The following SOX5 variants were observed in gnomAD, a reference collection of about 807,000 sequenced individuals.
SOX5 encodes the protein transcription factor SOX-5.
In SOX5, 9 loss-of-function variants were observed where a neutral mutation model predicts 92.0. That is an observed-to-expected ratio of 0.10 (90% CI 0.06 to 0.17). The LOEUF is 0.17. SOX5 is among the 10% of genes least tolerant of loss of function. The pLI, the probability that SOX5 is intolerant of heterozygous loss-of-function variation, is 1.00. For synonymous variants in SOX5, 344 were observed against 336.3 expected, an observed-to-expected ratio of 1.02 and a Z score of -0.25; for missense variants, 642 against 944.5, an observed-to-expected ratio of 0.68 and a Z score of 4.20.
chr12:23,950,807 A>G, upstream of SOX5: 1 of 1,432,064 alleles, frequency 7.0e-7, no homozygotes, highest in South Asian at 1.2e-5. Flanking sequence ...AAAGGTAATC[A>G]GGTAATGTAC....
Position 23,971,839 on chromosome 12 carries a change from T to C in SOX5, c.-1-75815A>G, listed in dbSNP as rs542576388. ...TTTGAAAGCTGCTGAGTGCTAAACATTGTGCATGTACTTTATATCACTAAA... is the reference window on the plus strand; with the variant it reads ...TTTGAAAGCTGCTGAGTGCTAAACACTGTGCATGTACTTTATATCACTAAA... On this transcript the variant is annotated intron_variant, in intron 4 of 4. Transcript: ENST00000446891. Among the ~76,000 whole-genome samples the C allele has an allele frequency of 1.3e-3, 203 of 152,224 alleles. 1 individual carries two copies. Among genetic ancestry groups the C allele is most frequent in the African/African-American group, 4.5e-3 (188 of 41,532 alleles).
At chr12:23,845,546 C>T (rs922258496) in intron 3 of SOX5, among the ~76,000 whole-genome samples, 6 of 151,930 alleles carry the variant, frequency 3.9e-5, no homozygotes, top group Non-Finnish European at 8.8e-5. Context: ...TATAATAGTC[C>T]TAACCATATT....
chr12:24,328,831 G>C (rs545057495), intron 2 of SOX5, among the ~76,000 whole-genome samples: 2 of 152,128 alleles, frequency 1.3e-5, no homozygotes, highest in African/African-American at 2.4e-5. Context: ...TGTCTTTAAA[G>C]TTCCCTTCAT....
intron 2 of SOX5, among the ~76,000 whole-genome samples, chr12:24,332,251 A>G (rs527809038): frequency 6.6e-6 from 1 of 152,344 alleles, no homozygotes; most frequent in East Asian, 1.9e-4. Context: ...TCAAAGGAAC[A>G]TGAATTAGCC....
intron 4 of SOX5, among the ~76,000 whole-genome samples, chr12:24,006,085 A>G (rs2136436838): frequency 6.6e-6 from 1 of 152,288 alleles, no homozygotes. Flanking sequence ...AGGCTTTTGT[A>G]ATAATCTACA....
intron 9 of SOX5, among the ~76,000 whole-genome samples, chr12:23,597,537 C>T (rs1445648244): frequency 6.6e-6 from 1 of 152,136 alleles, no homozygotes; most frequent in African/African-American, 2.4e-5. Context: ...TAACTTATTT[C>T]CATGTAGCAA....
chr12:24,466,301 A>T (rs1944231231), intron 1 of SOX5, among the ~76,000 whole-genome samples: 1 of 151,464 alleles, frequency 6.6e-6, no homozygotes, highest in South Asian at 2.1e-4. Flanking sequence ...GCTGGAGTGC[A>T]GTGGCACAGT....
chr12:24,018,032 C>G (rs1296612873), intron 4 of SOX5, among the ~76,000 whole-genome samples: 3 of 152,140 alleles, frequency 2.0e-5, no homozygotes, highest in Non-Finnish European at 4.4e-5. Context: ...ATATCTTCTA[C>G]CAGCTCATTC....
intron 1 of SOX5, among the ~76,000 whole-genome samples, chr12:23,896,692 T>C (rs917320838): frequency 7.2e-6 from 1 of 139,230 alleles, no homozygotes; most frequent in East Asian, 2.1e-4. Context: ...CATTTAGTTA[T>C]AATAACAAAG....
At chr12:24,095,599 T>C (rs1945308192) in intron 4 of SOX5, among the ~76,000 whole-genome samples, 1 of 152,164 alleles carries the variant, frequency 6.6e-6, no homozygotes, top group Non-Finnish European at 1.5e-5. Flanking sequence ...AAAATTGTAT[T>C]ACAAGATTAT....
chr12:24,377,613 C>G (rs536135584), intron 1 of SOX5, among the ~76,000 whole-genome samples: 22 of 152,260 alleles, frequency 1.4e-4, no homozygotes, highest in African/African-American at 5.1e-4. Flanking sequence ...AGGACTGTGC[C>G]TGGAACCCAA....
chr12:23,640,086 G>A (rs112496385), intron 8 of SOX5, among the ~76,000 whole-genome samples: 2 of 152,222 alleles, frequency 1.3e-5, no homozygotes, highest in African/African-American at 2.4e-5. Flanking sequence ...GGTCCATACC[G>A]ATAGAAACTA....
intron 2 of SOX5, among the ~76,000 whole-genome samples, chr12:24,347,119 G>A (rs1266277359): frequency 6.6e-6 from 1 of 152,100 alleles, no homozygotes. Flanking sequence ...CAGCAATCTA[G>A]GATAGAAAAT....
rs959580081 is a variant in SOX5 at position 23,657,537 on chromosome 12, A to T, written c.931+7907T>A. Among the ~76,000 whole-genome samples the T allele has an allele frequency of 3.3e-5, 5 of 152,176 alleles. No homozygotes were observed. In the East Asian group the frequency reaches 5.8e-4, roughly 18 times the overall value. ...TAAGTTTGCCTTCTAGTGGAGTCTT[A>T]GAACATGCTTACTGGAGATTTCCGT... On this transcript the variant is annotated intron_variant, in intron 7 of 14. Transcript: ENST00000451604.
At chr12:24,331,877 GA>G (rs1351705166) in intron 2 of SOX5, among the ~76,000 whole-genome samples, 1 of 88,950 alleles carries the variant, frequency 1.1e-5, no homozygotes, top group Non-Finnish European at 2.4e-5. Context: ...AAAAAAAAAG[GA>G]AAGAAATTTA....
Position 24,397,292 on chromosome 12 carries a change from C to T in SOX5, c.-250-28653G>A, listed in dbSNP as rs1437353129. On this transcript the variant is annotated intron_variant, in intron 1 of 4. Coordinates refer to the SOX5 transcript ENST00000446891. ...AAATACTATTTCCATATATCAAATCCCTGGTTAAATGAAAGACTCGTGACA... is the reference window on the plus strand; with the variant it reads ...AAATACTATTTCCATATATCAAATCTCTGGTTAAATGAAAGACTCGTGACA... Among the ~76,000 whole-genome samples the T allele has an allele frequency of 3.9e-5, 6 of 151,960 alleles. No homozygotes were observed. The South Asian group carries it at 1.0e-3, about 26-fold the overall frequency.
chr12:23,958,447 C>T (rs1455463279), intron 4 of SOX5, among the ~76,000 whole-genome samples: 1 of 151,962 alleles, frequency 6.6e-6, no homozygotes, highest in East Asian at 1.9e-4. Context: ...GCTTCATTAA[C>T]AATTATCAAG....
chr12:23,828,334 G>T (rs1323385238), intron 3 of SOX5, among the ~76,000 whole-genome samples: 1 of 151,882 alleles, frequency 6.6e-6, no homozygotes, highest in Non-Finnish European at 1.5e-5. Context: ...GTATGTGTGT[G>T]CACACACACA....
At chr12:24,348,309 C>T (rs184670563) in intron 2 of SOX5, among the ~76,000 whole-genome samples, 4 of 152,042 alleles carry the variant, frequency 2.6e-5, no homozygotes, top group East Asian at 1.9e-4. Flanking sequence ...AACCAGACCC[C>T]GCCTACCTTG....
Sources: allele counts gnomAD v4.1 joint callset (sites outside exome capture counted in the v4.1 genomes callset), GRCh38; gene constraint gnomAD v4.1.1; transcripts MANE v1.5; gene names NCBI Gene and HGNC (gene_info 2026-07-23, HGNC 2026-07-21).